The following KCNIP4 variants were observed in gnomAD, a reference collection of about 807,000 sequenced individuals.
KCNIP4 encodes Kv channel-interacting protein 4.
A neutral mutation model predicts 34.0 loss-of-function variants in KCNIP4; 12 were observed. The ratio of observed to expected loss-of-function variants is 0.35; its 90% CI spans 0.23 to 0.57. KCNIP4 has a LOEUF of 0.57. KCNIP4 is among the 20% of genes least tolerant of loss of function. The probability of loss-of-function intolerance (pLI) is 0.83; values close to 1 mark genes in which losing one functional copy is unlikely to be tolerated. For synonymous variants in KCNIP4, 124 were observed against 102.2 expected (o/e 1.21, Z -1.29); for missense variants, 238 against 311.7 (o/e 0.76, Z 1.78).
intron 5 of KCNIP4, among the ~76,000 whole-genome samples, chr4:20,748,654 C>G (rs1050651826): frequency 1.4e-5 from 2 of 141,188 alleles, no homozygotes; most frequent in Non-Finnish European, 3.0e-5. Flanking sequence ...ACTGGAATCA[C>G]AAAGCAAAAT....
At chr4:21,069,954 A>G (rs1744738428) in intron 1 of KCNIP4, among the ~76,000 whole-genome samples, 1 of 152,072 alleles carries the variant, frequency 6.6e-6, no homozygotes, top group South Asian at 2.1e-4. Context: ...TATCACCACA[A>G]AGATCTCTCC....
chr4:21,217,327 T>C (rs1273590139), intron 1 of KCNIP4, among the ~76,000 whole-genome samples: 1 of 152,208 alleles, frequency 6.6e-6, no homozygotes, highest in Non-Finnish European at 1.5e-5. Context: ...CAAGACTATG[T>C]ACAACAATCT....
At chr4:21,687,648 G>C (rs1750919063) in intron 1 of KCNIP4, among the ~76,000 whole-genome samples, 1 of 152,168 alleles carries the variant, frequency 6.6e-6, no homozygotes, top group Non-Finnish European at 1.5e-5. Flanking sequence ...GCTTGTGTGG[G>C]ACAGTTTGGA....
At chr4:21,377,779 C>G (rs1401767302) in intron 1 of KCNIP4, among the ~76,000 whole-genome samples, 1 of 152,186 alleles carries the variant, frequency 6.6e-6, no homozygotes, top group African/African-American at 2.4e-5. Flanking sequence ...CCCCTTACAA[C>G]ATATTATAGT....
At chr4:21,644,952 A>C (rs1424734309) in intron 1 of KCNIP4, among the ~76,000 whole-genome samples, 2 of 152,162 alleles carry the variant, frequency 1.3e-5, no homozygotes, top group African/African-American at 4.8e-5. Context: ...AGACTGTGGA[A>C]TCCAAGAGTA....
At chr4:20,985,383 AACTT>A (rs1479254196) in intron 1 of KCNIP4, among the ~76,000 whole-genome samples, 4 of 152,162 alleles carry the variant, frequency 2.6e-5, no homozygotes, top group Admixed American at 6.5e-5. Context: ...ACTTTTCAAC[AACTT>A]ACTTATCCCT....
chr4:20,995,468 A>G (rs2149710919), intron 1 of KCNIP4, among the ~76,000 whole-genome samples: 1 of 152,310 alleles, frequency 6.6e-6, no homozygotes, highest in Admixed American at 6.5e-5. Context: ...CATTTGACCA[A>G]TAAACTGTGA....
chr4:21,230,139 T>C (rs1416940079), intron 1 of KCNIP4, among the ~76,000 whole-genome samples: 1 of 151,964 alleles, frequency 6.6e-6, no homozygotes, highest in Non-Finnish European at 1.5e-5. Flanking sequence ...GCAATAGGAA[T>C]ACAGCCTTTG....
chr4:21,614,484 ATAAG>A (rs1744428952), intron 1 of KCNIP4, among the ~76,000 whole-genome samples: 1 of 148,500 alleles, frequency 6.7e-6, no homozygotes, highest in South Asian at 2.1e-4. Context: ...CTATATATAT[ATAAG>A]TATTTATATA....
chr4:20,939,318 G>T (rs968007704), intron 1 of KCNIP4, among the ~76,000 whole-genome samples: 3 of 151,904 alleles, frequency 2.0e-5, no homozygotes, highest in Admixed American at 6.6e-5. Context: ...CCAGATTTCC[G>T]ATGCTTCCCT....
At chr4:21,440,567 G>C (rs1244860841) in intron 1 of KCNIP4, among the ~76,000 whole-genome samples, 1 of 152,182 alleles carries the variant, frequency 6.6e-6, no homozygotes, top group Non-Finnish European at 1.5e-5. Flanking sequence ...AAGACATTCA[G>C]TGTTGACACT....
chr4:21,844,461 A>G (rs1723883957), intron 1 of KCNIP4: 2 of 152,064 alleles, frequency 1.3e-5, no homozygotes, highest in Admixed American at 6.6e-5. Context: ...TCAACTCCAA[A>G]ATATGGAATT....
intron 1 of KCNIP4, among the ~76,000 whole-genome samples, chr4:21,459,559 C>T (rs1729266006): frequency 6.6e-6 from 1 of 151,952 alleles, no homozygotes; most frequent in East Asian, 1.9e-4. Context: ...CTCTTAGGAC[C>T]TCTCTCCTGC....
At chr4:21,605,878 G>A (rs1372012536) in intron 1 of KCNIP4, among the ~76,000 whole-genome samples, 1 of 152,178 alleles carries the variant, frequency 6.6e-6, no homozygotes, top group African/African-American at 2.4e-5. Flanking sequence ...TGGGGTGGGA[G>A]GAGGAGTTAG....
intron 1 of KCNIP4, among the ~76,000 whole-genome samples, chr4:21,325,037 G>A (rs955630230): frequency 2.6e-5 from 4 of 151,538 alleles, no homozygotes; most frequent in African/African-American, 9.7e-5. Context: ...TTATTTTCTG[G>A]ATTTATTTTT....
intron 2 of KCNIP4, among the ~76,000 whole-genome samples, chr4:20,863,287 G>A (rs547798727): frequency 4.6e-5 from 7 of 152,074 alleles, no homozygotes; most frequent in South Asian, 2.1e-4. Flanking sequence ...CTCATAGTGC[G>A]GTTTTCTTGT....
At chr4:21,000,455 C>A (rs896724825) in intron 1 of KCNIP4, among the ~76,000 whole-genome samples, 4 of 151,996 alleles carry the variant, frequency 2.6e-5, no homozygotes, top group African/African-American at 9.7e-5. Context: ...GAGGCCGAGG[C>A]AGGCAGATCA....
intron 1 of KCNIP4, among the ~76,000 whole-genome samples, chr4:21,107,899 C>G (rs998362423): frequency 1.3e-5 from 2 of 151,306 alleles, no homozygotes; most frequent in African/African-American, 4.9e-5. Context: ...GTTAAAAATT[C>G]TCTCCTTTAA....
intron 1 of KCNIP4, among the ~76,000 whole-genome samples, chr4:20,977,144 T>A (rs1735570875): frequency 6.6e-6 from 1 of 152,094 alleles, no homozygotes; most frequent in Non-Finnish European, 1.5e-5. Flanking sequence ...AACATGAACT[T>A]TAAACCACAA....
Sources: allele counts gnomAD v4.1 joint callset (sites outside exome capture counted in the v4.1 genomes callset), GRCh38; gene constraint gnomAD v4.1.1; transcripts MANE v1.5; gene names NCBI Gene and HGNC (gene_info 2026-07-23, HGNC 2026-07-21).